The following ACER3 variants were observed in gnomAD, a reference collection of about 807,000 sequenced individuals.
The protein encoded by ACER3 is alkCDase 3.
ACER3 carries 16 observed loss-of-function variants against 48.9 expected under a neutral mutation model. The observed-to-expected ratio is 0.33, with a 90% confidence interval of 0.22 to 0.50. The LOEUF (loss-of-function observed/expected upper bound fraction) is 0.50, where lower values mean the gene tolerates loss of function less well. Among genes scored for constraint, ACER3 ranks in the 20% least tolerant of loss-of-function variants. The probability of loss-of-function intolerance (pLI) is 0.98; values close to 1 mark genes in which losing one functional copy is unlikely to be tolerated. For synonymous variants in ACER3, 109 were observed against 107.8 expected, an observed-to-expected ratio of 1.01 and a Z score of -0.07; for missense variants, 227 against 326.0, an observed-to-expected ratio of 0.70 and a Z score of 2.34.
At chr11:76,899,568 G>T (rs1284838528) in intron 1 of ACER3, among the ~76,000 whole-genome samples, 4 of 151,756 alleles carry the variant, frequency 2.6e-5, no homozygotes, top group African/African-American at 4.8e-5. Context: ...GTCCTATTTT[G>T]TCCTTTTGTA....
intron 1 of ACER3, among the ~76,000 whole-genome samples, chr11:76,867,468 C>CAAAAAAAAAAAAAAA (rs1156610809): frequency 2.0e-4 from 4 of 19,632 alleles, no homozygotes; most frequent in African/African-American, 6.6e-4. Context: ...GACTCTGTCT[C>CAAAAAAAAAAAAAAA]AAAAAAAAAA....
chr11:76,963,378 A>T lies in ACER3; in HGVS notation c.267+4347A>T, dbSNP rs138529777. Among the ~76,000 whole-genome samples, 140 of 151,626 alleles carry T rather than the reference A, an allele frequency of 9.2e-4. 11 individuals carry two copies. Among genetic ancestry groups the T allele is most frequent in the African/African-American group, 3.2e-3 (129 of 40,886 alleles). ...GTTTCTTGTGAAAGCTTTTCAATTC[A>T]GCTTTTCTTCTTTTGCTTATTAAAC... On this transcript the variant is annotated intron_variant, in intron 3 of 10. Transcript: ENST00000532485.
At chr11:76,975,582 G>A (rs1280414135) in intron 3 of ACER3, among the ~76,000 whole-genome samples, 1 of 152,144 alleles carries the variant, frequency 6.6e-6, no homozygotes, top group Admixed American at 6.5e-5. Flanking sequence ...GGATGGAAAT[G>A]CAAAAGAATA....
In ACER3 at chr11:77,022,040, G is replaced by A. The variant is rs1372309494; in HGVS notation, c.*1713G>A. 3 of 152,184 alleles carry A rather than the reference G, an allele frequency of 2.0e-5. No homozygotes were observed. The highest frequency in any genetic ancestry group is 2.9e-5 in the Non-Finnish European group (2 of 68,040). 9.4% of individuals were successfully genotyped at this position (152,184 alleles called of 1,614,324 possible). On this transcript the variant is annotated 3_prime_UTR_variant, in exon 11 of 11. Transcript: ENST00000532485. ...ATACTTGATTTTGCCCCAAGATTCT[G>A]ACTTCTGGCTACATTTCACCTGCAG...
intron 3 of ACER3, among the ~76,000 whole-genome samples, chr11:76,963,047 C>T (rs982584612): frequency 8.6e-5 from 13 of 151,326 alleles, no homozygotes; most frequent in African/African-American, 2.5e-4. Context: ...CCTGAAAAAT[C>T]GCAGCTACAG....
At chr11:77,010,316 C>T (rs1949236818) in intron 7 of ACER3, among the ~76,000 whole-genome samples, 1 of 151,496 alleles carries the variant, frequency 6.6e-6, no homozygotes, top group South Asian at 2.1e-4. Flanking sequence ...CCACTGCACT[C>T]TAGCCTGGGC....
intron 1 of ACER3, among the ~76,000 whole-genome samples, chr11:76,888,241 G>T (rs907544461): frequency 6.6e-6 from 1 of 152,086 alleles, no homozygotes; most frequent in Non-Finnish European, 1.5e-5. Flanking sequence ...ATAAATAAAT[G>T]ATTTGTTTTT....
At chr11:76,956,162 T>C (rs747454945) in intron 2 of ACER3, among the ~76,000 whole-genome samples, 1 of 152,168 alleles carries the variant, frequency 6.6e-6, no homozygotes, top group African/African-American at 2.4e-5. Context: ...CTGAAAACAA[T>C]TGAATTGTAT....
chr11:76,933,968 C>CG (rs377196149), intron 2 of ACER3, among the ~76,000 whole-genome samples: 3,105 of 150,214 alleles, frequency 0.021, 115 homozygotes, highest in African/African-American at 0.073. Context: ...ACCTCCTAGA[C>CG]GGGGTCGCGG....
At chr11:76,907,571 G>C (rs1225650559) in intron 1 of ACER3, among the ~76,000 whole-genome samples, 1 of 152,096 alleles carries the variant, frequency 6.6e-6, no homozygotes, top group Non-Finnish European at 1.5e-5. Context: ...TTTTGAATTG[G>C]ATAAAATAAG....
At chr11:76,981,475 G>T (rs944013406) in intron 4 of ACER3, among the ~76,000 whole-genome samples, 1 of 152,128 alleles carries the variant, frequency 6.6e-6, no homozygotes, top group African/African-American at 2.4e-5. Flanking sequence ...TACCCTTATG[G>T]CAAGAAAGAG....
intron 2 of ACER3, among the ~76,000 whole-genome samples, chr11:76,954,167 G>A (rs920061301): frequency 6.6e-6 from 1 of 151,992 alleles, no homozygotes; most frequent in Non-Finnish European, 1.5e-5. Flanking sequence ...GGCTGGTCTC[G>A]AACTCCCGAC....
chr11:76,864,774 A>G (rs9795281), intron 1 of ACER3, among the ~76,000 whole-genome samples: 86,544 of 150,624 alleles, frequency 0.57, 28,033 homozygotes, highest in Non-Finnish European at 0.74. Context: ...TAATTTTTGT[A>G]TTTTTAGTGG....
At chr11:76,952,673 T>TTTTC (rs968063894) in intron 2 of ACER3, among the ~76,000 whole-genome samples, 1 of 149,344 alleles carries the variant, frequency 6.7e-6, no homozygotes, top group African/African-American at 2.4e-5. Context: ...GATTTCTTTT[T>TTTTC]TTTTTTTTTT....
chr11:76,955,054 A>T (rs569825612), intron 2 of ACER3, among the ~76,000 whole-genome samples: 1 of 152,358 alleles, frequency 6.6e-6, no homozygotes, highest in Non-Finnish European at 1.5e-5. Flanking sequence ...AGGAAATACT[A>T]ATCAAAATGA....
chr11:76,933,428 A>G (rs369630551), intron 2 of ACER3, among the ~76,000 whole-genome samples: 52,131 of 139,858 alleles, frequency 0.37, 12,271 homozygotes, highest in Non-Finnish European at 0.54. Context: ...AGGACCCTGC[A>G]GCCTTCCGCA....
rs1946046119 is a variant in ACER3, at chr11:76,900,277, GC to G, written c.104-26279del. On this transcript the variant is annotated intron_variant, in intron 1 of 10. Coordinates refer to ENST00000532485, the MANE Select transcript of ACER3 (RefSeq NM_018367.7). ...TTGAGTAAGCTGAGGAAGAGGAGGG[GC>G]TGGTCCTGTCTCAGGGGTGGCAGAG... 2.6e-5 allele frequency among the ~76,000 whole-genome samples: 4 copies of G among 152,186 alleles called. No individual in the cohort carries two copies. The South Asian group carries it at 8.3e-4, about 32-fold the overall frequency.
chr11:76,904,932 A>T (rs2134691245), intron 1 of ACER3, among the ~76,000 whole-genome samples: 1 of 152,182 alleles, frequency 6.6e-6, no homozygotes, highest in South Asian at 2.1e-4. Flanking sequence ...GGCTCACTAC[A>T]ACCTCCACCT....
At chr11:76,964,982 G>A (rs765992159) in intron 3 of ACER3, among the ~76,000 whole-genome samples, 1 of 151,358 alleles carries the variant, frequency 6.6e-6, no homozygotes, top group Non-Finnish European at 1.5e-5. Flanking sequence ...CAAGTTGAGA[G>A]AAGAAGGCTT....
Sources: gnomAD v4.1 joint callset for allele counts (sites outside exome capture counted in the v4.1 genomes callset) on GRCh38, gnomAD v4.1.1 for gene constraint, MANE v1.5 for transcripts, NCBI Gene and HGNC (gene_info 2026-07-23, HGNC 2026-07-21) for gene names.